GRM8: variants seen among roughly 807,000 people sequenced by gnomAD.
The protein encoded by GRM8 is metabotropic glutamate receptor 8.
In GRM8, 47 loss-of-function variants were observed where a neutral mutation model predicts 87.2. The observed-to-expected ratio is 0.54, with a 90% CI of 0.43 to 0.69. The LOEUF (loss-of-function observed/expected upper bound fraction) is 0.69, where lower values mean the gene tolerates loss of function less well. GRM8 is among the 30% of genes least tolerant of loss of function. The pLI is 0.00. For missense variants in GRM8, 1,019 were observed against 1,139.2 expected, an observed-to-expected ratio of 0.89 and a Z score of 1.52; for synonymous variants, 396 against 404.5, an observed-to-expected ratio of 0.98 and a Z score of 0.25.
intron 7 of GRM8, among the ~76,000 whole-genome samples, chr7:126,644,515 G>C (rs776904827): frequency 2.6e-5 from 4 of 152,182 alleles, no homozygotes; most frequent in Non-Finnish European, 5.9e-5. Flanking sequence ...TTGAAAATTA[G>C]TCTATTCAAT....
intron 7 of GRM8, among the ~76,000 whole-genome samples, chr7:126,641,275 G>C (rs945078615): frequency 2.9e-4 from 44 of 152,118 alleles, no homozygotes; most frequent in African/African-American, 1.1e-3. Flanking sequence ...CTACTGTTCT[G>C]AACCCAAAAC....
chr7:127,116,308 A>G (rs1161712180), intron 2 of GRM8, among the ~76,000 whole-genome samples: 1 of 152,228 alleles, frequency 6.6e-6, no homozygotes, highest in Non-Finnish European at 1.5e-5. Flanking sequence ...GAAATTTAGA[A>G]GGCTAAACCA....
At chr7:126,929,883 A>G (rs754666096) in intron 3 of GRM8, among the ~76,000 whole-genome samples, 6 of 152,262 alleles carry the variant, frequency 3.9e-5, no homozygotes, top group Non-Finnish European at 5.9e-5. Context: ...TAAAATATAA[A>G]GAAACTTAAA....
chr7:126,789,814 G>T (rs1028667474), intron 6 of GRM8, among the ~76,000 whole-genome samples: 3 of 152,118 alleles, frequency 2.0e-5, no homozygotes, highest in Admixed American at 6.5e-5. Flanking sequence ...CCTTTCTATA[G>T]AAGGTTTGCT....
intron 3 of GRM8, among the ~76,000 whole-genome samples, chr7:126,994,376 A>T (rs1305027399): frequency 6.6e-6 from 1 of 152,204 alleles, no homozygotes. Context: ...TAAGACTCTG[A>T]GACATGCTGG....
chr7:127,036,396 A>T (rs1452360865), intron 3 of GRM8, among the ~76,000 whole-genome samples: 13 of 152,218 alleles, frequency 8.5e-5, no homozygotes, highest in Admixed American at 8.5e-4. Flanking sequence ...AAGGAAGATG[A>T]CTGTTAACAC....
rs561406261 is a variant in GRM8 at position 126,993,222 on chromosome 7, T to C, written c.728-88539A>G. 8.5e-5 allele frequency among the ~76,000 whole-genome samples: 13 copies of C among 152,288 alleles called. No homozygotes were observed. In the East Asian group the frequency reaches 2.1e-3, roughly 25 times the overall value. ...ATACATAATAAAAAACAGGGACTCA[T>C]ACAGATATTTTTATCATTGCTGGAT... On this transcript the variant is annotated intron_variant, in intron 3 of 10. Transcript: ENST00000339582.
At chr7:126,791,543 G>T (rs1821326166) in intron 6 of GRM8, among the ~76,000 whole-genome samples, 1 of 152,178 alleles carries the variant, frequency 6.6e-6, no homozygotes, top group African/African-American at 2.4e-5. Flanking sequence ...AGAGAAGGAG[G>T]CATTCTCTCT....
chr7:126,760,918 C>T (rs566850134), intron 7 of GRM8, among the ~76,000 whole-genome samples: 15 of 152,096 alleles, frequency 9.9e-5, no homozygotes, highest in South Asian at 2.1e-4. Flanking sequence ...TAGATGAGGG[C>T]GGGCTCGATG....
At chr7:126,881,276 G>T (rs2130992249) in intron 6 of GRM8, among the ~76,000 whole-genome samples, 1 of 152,316 alleles carries the variant, frequency 6.6e-6, no homozygotes, top group South Asian at 2.1e-4. Flanking sequence ...TACCCTTAGG[G>T]ATAAACAGTC....
At chr7:127,094,718 C>T (rs1824471848) in intron 3 of GRM8, among the ~76,000 whole-genome samples, 1 of 152,156 alleles carries the variant, frequency 6.6e-6, no homozygotes, top group African/African-American at 2.4e-5. Context: ...GACTTTGTTA[C>T]AGCAGCCCTA....
At chr7:127,086,735 C>T (rs1395168974) in intron 3 of GRM8, among the ~76,000 whole-genome samples, 1 of 152,230 alleles carries the variant, frequency 6.6e-6, no homozygotes, top group Non-Finnish European at 1.5e-5. Flanking sequence ...CCTATCACAG[C>T]ATTGTGCCCA....
chr7:126,953,291 C>G (rs1299389607), intron 3 of GRM8, among the ~76,000 whole-genome samples: 1 of 152,098 alleles, frequency 6.6e-6, no homozygotes, highest in Non-Finnish European at 1.5e-5. Flanking sequence ...GAATCTATAT[C>G]AACAATTCTG....
intron 2 of GRM8, among the ~76,000 whole-genome samples, chr7:127,194,147 C>A (rs1795165691): frequency 6.6e-6 from 1 of 152,178 alleles, no homozygotes. Context: ...CAATAACTAG[C>A]TTTTCTCTGC....
At chr7:126,939,478 ATG>A (rs762977150) in intron 3 of GRM8, among the ~76,000 whole-genome samples, 1 of 152,228 alleles carries the variant, frequency 6.6e-6, no homozygotes, top group Non-Finnish European at 1.5e-5. Flanking sequence ...TGGGTATTAA[ATG>A]AGAAAATTCA....
At position 126,849,119 on chromosome 7, in the gene GRM8, AAC is replaced by A. The variant is rs936286150; in HGVS notation, c.1156+53421_1156+53422del. 4.3e-4 allele frequency among the ~76,000 whole-genome samples: 66 copies of A among 152,286 alleles called. 1 individual carries two copies. The highest frequency in any genetic ancestry group is 1.5e-3 in the African/African-American group (63 of 41,558). ...TTACCTCCCACCAGGTCACTCCCAC[AAC>A]ACATGGGAATTCAAGATGAGATTTG... is the stretch of plus-strand genomic sequence containing the variant. On this transcript the variant is annotated intron_variant, in intron 6 of 10. Coordinates refer to ENST00000339582, the MANE Select transcript of GRM8 (RefSeq NM_000845.3).
At chr7:126,743,762 T>C (rs1038425662) in intron 7 of GRM8, among the ~76,000 whole-genome samples, 1 of 152,108 alleles carries the variant, frequency 6.6e-6, no homozygotes, top group Admixed American at 6.5e-5. Flanking sequence ...TTATTTAGAA[T>C]AGTGGCTCTC....
At chr7:126,616,312 G>A (rs1333064985) in intron 7 of GRM8, among the ~76,000 whole-genome samples, 3 of 152,164 alleles carry the variant, frequency 2.0e-5, no homozygotes, top group Admixed American at 6.6e-5. Context: ...AAATAAAGAC[G>A]TTCTTTGAAA....
chr7:126,562,993 A>C (rs943476696), intron 8 of GRM8, among the ~76,000 whole-genome samples: 2 of 152,230 alleles, frequency 1.3e-5, no homozygotes, highest in Non-Finnish European at 2.9e-5. Context: ...TTAACTAATT[A>C]TTATAACAAA....
Sources: gnomAD v4.1 joint callset for allele counts (sites outside exome capture counted in the v4.1 genomes callset) on GRCh38, gnomAD v4.1.1 for gene constraint, MANE v1.5 for transcripts, NCBI Gene and HGNC (gene_info 2026-07-23, HGNC 2026-07-21) for gene names.